The following MSL2 variants were observed in gnomAD, a reference collection of about 807,000 sequenced individuals.
MSL2 encodes the protein MSL complex subunit 2.
A neutral mutation model predicts 35.8 loss-of-function variants in MSL2; 2 were observed. That is an observed-to-expected ratio of 0.06 (90% CI 0.02 to 0.18). The LOEUF (loss-of-function observed/expected upper bound fraction) is 0.18. Ranked by LOEUF, MSL2 falls within the 10% of genes least tolerant of loss-of-function variation. MSL2 has a pLI of 1.00. For missense variants in MSL2, 523 were observed against 706.7 expected (o/e 0.74, Z 2.95); for synonymous variants, 296 against 255.7 (o/e 1.16, Z -1.50).
chr3:136,194,680 CT>C (rs1348378086), intron 1 of MSL2: 3 of 326,354 alleles, frequency 9.2e-6, no homozygotes, highest in South Asian at 4.2e-5. Context: ...AAAAAAAAGC[CT>C]TGTGCATGCA....
At chr3:136,170,492 GAAAA>G (rs574841379) in intron 1 of MSL2, among the ~76,000 whole-genome samples, 1 of 138,060 alleles carries the variant, frequency 7.2e-6, no homozygotes, top group Non-Finnish European at 1.6e-5. Flanking sequence ...TGACCAAAAG[GAAAA>G]AAAACTCTGT....
rs1054717693 is a variant in MSL2 at position 136,150,586 on chromosome 3, A to G, written c.*561T>C. The G allele has an allele frequency of 6.5e-6, 1 of 152,686 alleles. No homozygotes were observed. The highest frequency in any genetic ancestry group is 1.5e-5 in the Non-Finnish European group (1 of 68,086). 9.5% of individuals were successfully genotyped at this position (152,686 alleles called of 1,614,324 possible). On this transcript the variant is annotated 3_prime_UTR_variant, in exon 2 of 2. Transcript: ENST00000309993. The stretch of plus-strand genomic sequence containing the variant: ...TTCTAATGAGGGGGAATTTTTTTTC[A>G]TAATACTGCTGATTTAAGAACTGCT...
rs773380451 is a variant in MSL2, at chr3:136,195,159, G to A, written c.-46C>T. On this transcript the variant is annotated 5_prime_UTR_variant, in exon 1 of 2. Coordinates refer to ENST00000309993, the MANE Select transcript of MSL2 (RefSeq NM_018133.4). The stretch of plus-strand genomic sequence containing the variant: ...TGGCTCCCGGTTGAAAAGAAATTCC[G>A]GATCCAACTTAGTAAGCAGCCAGGG... 12 of 1,567,776 alleles carry A rather than the reference G, an allele frequency of 7.7e-6. No individual in the cohort carries two copies. In the South Asian group the frequency reaches 1.2e-4, roughly 15 times the overall value.
chr3:136,169,252 G>GGGGGT (rs1939947347), intron 1 of MSL2, among the ~76,000 whole-genome samples: 23 of 35,036 alleles, frequency 6.6e-4, no homozygotes, highest in African/African-American at 7.3e-4. Flanking sequence ...GGGGGGGGGG[G>GGGGGT]TGCTTATTTT....
At chr3:136,180,816 GGGAAGGAA>G (rs1329921141) in intron 1 of MSL2, among the ~76,000 whole-genome samples, 1 of 53,606 alleles carries the variant, frequency 1.9e-5, no homozygotes, top group Admixed American at 2.7e-4. Context: ...GAGGGAAGGA[GGGAAGGAA>G]GGAAGGAAGG....
intron 1 of MSL2, among the ~76,000 whole-genome samples, chr3:136,176,346 T>C (rs1343845490): frequency 1.3e-5 from 2 of 148,684 alleles, no homozygotes; most frequent in African/African-American, 5.0e-5. Context: ...AAACCCCGTC[T>C]CTACTAAAAA....
chr3:136,149,547 TC>T lies in MSL2; in HGVS notation c.*1599del, dbSNP rs1939282181. ...CTGGACACATACATCACATTTTTCT[TC>T]CTATGGCTTTAGCCCACCCCCACCC... On this transcript the variant is annotated 3_prime_UTR_variant, in exon 2 of 2. Coordinates refer to ENST00000309993, the MANE Select transcript of MSL2 (RefSeq NM_018133.4). 6.7e-6 allele frequency: 1 copy of T among 149,620 alleles called. No homozygotes were observed. The highest frequency in any genetic ancestry group is 1.5e-5 in the Non-Finnish European group (1 of 67,546). The allele number at this position is 149,620 out of a possible 1,614,324, so 9.3% of individuals were successfully genotyped here.
intron 1 of MSL2, chr3:136,155,666 G>A: frequency 4.2e-6 from 2 of 480,734 alleles, no homozygotes; most frequent in South Asian, 3.4e-5. Context: ...ACAGTAACGA[G>A]CTAAACAAAA....
At chr3:136,165,088 T>A (rs997522271) in intron 1 of MSL2, among the ~76,000 whole-genome samples, 2 of 151,928 alleles carry the variant, frequency 1.3e-5, no homozygotes, top group Admixed American at 6.6e-5. Context: ...TTGGCCAGGC[T>A]GGTCTTGAAC....
At chr3:136,170,376 C>A in intron 1 of MSL2, among the ~76,000 whole-genome samples, 1 of 141,494 alleles carries the variant, frequency 7.1e-6, no homozygotes, top group South Asian at 2.3e-4. Flanking sequence ...CCATTGTTAA[C>A]TATAGTCATT....
chr3:136,173,273 A>T (rs1382120285), intron 1 of MSL2, among the ~76,000 whole-genome samples: 4 of 152,178 alleles, frequency 2.6e-5, no homozygotes, highest in Non-Finnish European at 5.9e-5. Flanking sequence ...CTGAATCTGT[A>T]TCTCCAACTC....
At chr3:136,170,353 C>CAAAA (rs563047729) in intron 1 of MSL2, among the ~76,000 whole-genome samples, 1 of 125,900 alleles carries the variant, frequency 7.9e-6, no homozygotes, top group Non-Finnish European at 1.6e-5. Context: ...AAATCCCTCT[C>CAAAA]AAAAAAAAAA....
Position 136,149,343 on chromosome 3 carries a change from C to G in MSL2, c.*1804G>C, listed in dbSNP as rs989131834. Reference sequence around the variant, plus strand: ...ATCTGGGTTCAACACAAAACTGTTACAAACGTTAGGTAAATACACGTTTCA... The same window carrying G: ...ATCTGGGTTCAACACAAAACTGTTAGAAACGTTAGGTAAATACACGTTTCA... On this transcript the variant is annotated 3_prime_UTR_variant, in exon 2 of 2. Transcript: ENST00000309993. 2.0e-5 allele frequency: 3 copies of G among 152,400 alleles called. No homozygotes were observed. Among genetic ancestry groups the G allele is most frequent in the Non-Finnish European group, 4.4e-5 (3 of 67,996 alleles). The allele number at this position is 152,400 out of a possible 1,614,324, so 9.4% of individuals were successfully genotyped here.
Position 136,183,474 on chromosome 3 carries a change from G to C in MSL2, c.142+11498C>G, listed in dbSNP as rs187862075. ...GTCTCACTCTGCCACCCAGGCTGGA[G>C]TGCAGTGGCACGACCTCGATCACTG... On this transcript the variant is annotated intron_variant, in intron 1 of 1. Coordinates refer to ENST00000309993, the MANE Select transcript of MSL2 (RefSeq NM_018133.4). Among the ~76,000 whole-genome samples, 382 of 152,198 alleles carry C rather than the reference G, an allele frequency of 2.5e-3. 9 individuals are homozygous for C. The highest frequency in any genetic ancestry group is 9.7e-4 in the East Asian group (5 of 5,180).
chr3:136,178,725 G>C (rs947364992), intron 1 of MSL2, among the ~76,000 whole-genome samples: 1 of 131,654 alleles, frequency 7.6e-6, no homozygotes, highest in Non-Finnish European at 1.6e-5. Context: ...AGTAGAGACG[G>C]GGTTTCACCA....
intron 1 of MSL2, among the ~76,000 whole-genome samples, chr3:136,189,721 CAAAAAAAA>C (rs375444164): frequency 2.0e-5 from 1 of 50,218 alleles, no homozygotes; most frequent in African/African-American, 7.3e-5. Flanking sequence ...GACGCCGTCT[CAAAAAAAA>C]AAAAAAAAAA....
chr3:136,180,816 G>GGGAAGGAGGGAAGGAAGGAA (rs1940333901), intron 1 of MSL2, among the ~76,000 whole-genome samples: 16 of 53,632 alleles, frequency 3.0e-4, no homozygotes, highest in East Asian at 1.5e-3. Flanking sequence ...GAGGGAAGGA[G>GGGAAGGAGGGAAGGAAGGAA]GGAAGGAAGG....
chr3:136,178,915 C>G (rs1293055498), intron 1 of MSL2, among the ~76,000 whole-genome samples: 1 of 151,106 alleles, frequency 6.6e-6, no homozygotes, highest in African/African-American at 2.4e-5. Context: ...TTACCAGGAT[C>G]ACTTACATGG....
intron 1 of MSL2, among the ~76,000 whole-genome samples, chr3:136,172,395 G>A (rs962575967): frequency 1.1e-4 from 16 of 151,840 alleles, no homozygotes; most frequent in African/African-American, 3.9e-4. Flanking sequence ...TATACCTAAT[G>A]TTATTTATAC....
Sources: gnomAD v4.1 joint callset for allele counts (sites outside exome capture counted in the v4.1 genomes callset) on GRCh38, gnomAD v4.1.1 for gene constraint, MANE v1.5 for transcripts, NCBI Gene and HGNC (gene_info 2026-07-23, HGNC 2026-07-21) for gene names.